The following ZNF783 variants were observed in gnomAD, a reference collection of about 807,000 sequenced individuals.
The protein encoded by ZNF783 is zinc finger protein 783.
ZNF783 carries 25 observed loss-of-function variants against 31.3 expected under a neutral mutation model. That is an observed-to-expected ratio of 0.80 (90% CI 0.58 to 1.11). ZNF783 has a LOEUF of 1.11. ZNF783 is among the 50% of genes most tolerant of loss of function. ZNF783 has a pLI of 0.00. For missense variants in ZNF783, 797 were observed against 760.0 expected (o/e 1.05, Z -0.57); for synonymous variants, 369 against 319.1 (o/e 1.16, Z -1.66).
At chr7:149,272,017 A>T (rs1377102796) in intron 4 of ZNF783, among the ~76,000 whole-genome samples, 7 of 151,836 alleles carry the variant, frequency 4.6e-5, no homozygotes, top group Admixed American at 2.6e-4. Context: ...TCTTTTTTTT[A>T]AATTTATTTT....
rs115295014 is a variant in ZNF783 at position 149,267,163 on chromosome 7, G to C, written c.614G>C (p.Arg205Pro). 1 of 1,599,380 alleles carries C rather than the reference G, an allele frequency of 6.3e-7. No individual in the cohort carries two copies. The highest frequency in any genetic ancestry group is 8.5e-7 in the Non-Finnish European group (1 of 1,179,728). ...IERGEEPCLD[R>P]WGQEKGNEVE... ...AGGGGAGAGGAGCCTTGTCTTGACC[G>C]GTGGGGCCAGGAGAAGGGGAATGAA... Residue 205 changes from arginine to proline, a missense_variant, in exon 4 of 6, where the codon CGG (arginine) becomes CCG (proline). Arg to Pro is a moderately radical substitution (Grantham distance 103, BLOSUM62 -2). Coordinates refer to ENST00000434415, the MANE Select transcript of ZNF783 (RefSeq NM_001195220.2).
intron 4 of ZNF783, among the ~76,000 whole-genome samples, chr7:149,269,553 G>T (rs1383885365): frequency 6.6e-6 from 1 of 152,158 alleles, no homozygotes; most frequent in Non-Finnish European, 1.5e-5. Flanking sequence ...ATAATTTGAG[G>T]TCTTACATTT....
intron 4 of ZNF783, chr7:149,277,260 T>A (rs1394382748): frequency 6.6e-6 from 1 of 152,214 alleles, no homozygotes; most frequent in Non-Finnish European, 1.5e-5. Flanking sequence ...TTTTCCATGA[T>A]TCTGGGTTTC....
chr7:149,280,316 C>G lies in ZNF783; in HGVS notation c.803-1189C>G, dbSNP rs556046226. Among the ~76,000 whole-genome samples, 556 of 152,318 alleles carry G rather than the reference C, an allele frequency of 3.7e-3. 6 individuals are homozygous for G. The highest frequency in any genetic ancestry group is 0.013 in the African/African-American group (530 of 41,582). ...TTAGATGGGGAGTCTCCAACCTTCC[C>G]CACCAGGGACATCCTGCCAGGCATG... On this transcript the variant is annotated intron_variant, in intron 5 of 5. Coordinates refer to ENST00000434415, the MANE Select transcript of ZNF783 (RefSeq NM_001195220.2).
chr7:149,275,005 CTAAT>C (rs1797294640), intron 4 of ZNF783, among the ~76,000 whole-genome samples: 1 of 152,206 alleles, frequency 6.6e-6, no homozygotes, highest in African/African-American at 2.4e-5. Context: ...GACATTATAA[CTAAT>C]TCATTCTTCC....
intron 4 of ZNF783, among the ~76,000 whole-genome samples, chr7:149,273,875 G>T (rs1797265885): frequency 6.6e-6 from 1 of 152,138 alleles, no homozygotes; most frequent in Non-Finnish European, 1.5e-5. Flanking sequence ...TATCTATTCA[G>T]ATCTTTTGCC....
chr7:149,278,811 G>C (rs552896126), intron 5 of ZNF783, among the ~76,000 whole-genome samples: 140 of 152,260 alleles, frequency 9.2e-4, no homozygotes, highest in Non-Finnish European at 1.7e-3. Context: ...AGTGAGGGGA[G>C]GGGGTAGATG....
At chr7:149,271,226 C>T (rs932136312) in intron 4 of ZNF783, among the ~76,000 whole-genome samples, 5 of 152,318 alleles carry the variant, frequency 3.3e-5, no homozygotes, top group South Asian at 2.1e-4. Flanking sequence ...GCGTGAGCCA[C>T]GGCGCCCAGC....
At chr7:149,271,912 C>T (rs1797218759) in intron 4 of ZNF783, among the ~76,000 whole-genome samples, 1 of 152,156 alleles carries the variant, frequency 6.6e-6, no homozygotes, top group South Asian at 2.1e-4. Flanking sequence ...CAGTCTGTAC[C>T]TTGGACATTT....
chr7:149,275,448 G>T (rs1007494276), intron 4 of ZNF783, among the ~76,000 whole-genome samples: 1 of 151,890 alleles, frequency 6.6e-6, no homozygotes, highest in African/African-American at 2.4e-5. Flanking sequence ...GAGTAGCTGG[G>T]ACTACAGGCA....
chr7:149,272,373 T>C (rs925722522), intron 4 of ZNF783, among the ~76,000 whole-genome samples: 1 of 152,210 alleles, frequency 6.6e-6, no homozygotes, highest in African/African-American at 2.4e-5. Context: ...GGTAAATGAA[T>C]ATGTTATTTG....
At chr7:149,278,229 G>A in intron 4 of ZNF783, 170 bp from the exon 5 acceptor site, 1 of 1,421,206 alleles carries the variant, frequency 7.0e-7, no homozygotes, top group Admixed American at 2.7e-5. Context: ...TGAGGCTTTA[G>A]ACTGGAATCT....
rs1051510412 is a variant in ZNF783, at chr7:149,283,341, T to G, written c.*998T>G. The G allele has an allele frequency of 1.3e-5, 2 of 152,232 alleles. No homozygotes were observed. The highest frequency in any genetic ancestry group is 2.9e-5 in the Non-Finnish European group (2 of 68,094). 9.4% of individuals were successfully genotyped at this position (152,232 alleles called of 1,614,324 possible). A position where few individuals can be genotyped will look rare whatever the true frequency, so the allele number is the denominator to read the frequency against. Reference sequence around the variant, plus strand: ...GCACAGTGTCTCCCCATGTGTGTGTTTCTTGGCCCAGAGTGACTCCCAGTA... The same window carrying G: ...GCACAGTGTCTCCCCATGTGTGTGTGTCTTGGCCCAGAGTGACTCCCAGTA... On this transcript the variant is annotated 3_prime_UTR_variant, in exon 6 of 6. Transcript: ENST00000434415.
In ZNF783 at chr7:149,282,169, C is replaced by T. The variant is rs1470566138; in HGVS notation, c.1467C>T (p.Thr489=). Residue 489 remains threonine, a synonymous_variant, in exon 6 of 6, where the codon ACC becomes ACT. Transcript: ENST00000434415. Reference sequence around the variant, plus strand: ...TCTTCCGGCACCAGCGCATCCACACCGGTGAGCGGCCCTACCAGTGCCCCC... The same window carrying T: ...TCTTCCGGCACCAGCGCATCCACACTGGTGAGCGGCCCTACCAGTGCCCCC... ...SDLFRHQRIH[T]GERPYQCPQC... The T allele has an allele frequency of 9.4e-6, 15 of 1,600,926 alleles. No individual in the cohort carries two copies. The highest frequency in any genetic ancestry group is 1.3e-5 in the African/African-American group (1 of 74,920).
chr7:149,266,529 A>G lies in ZNF783; in HGVS notation c.219A>G (p.Thr73=). The change falls in exon 2 of 6, where the codon ACA becomes ACG. Residue 73 remains threonine (T), a synonymous_variant. Transcript: ENST00000434415. The part of the protein sequence containing the change: ...RLLTLEGRTG[T]AEKKLADCEK... ...TGACTCTGGAGGGGCGCACGGGGAC[A>G]GCCGAGAAGAAGCTGGCCGACTGCG... The G allele has an allele frequency of 5.0e-6, 8 of 1,614,032 alleles. No individual in the cohort carries two copies. Among genetic ancestry groups the G allele is most frequent in the Non-Finnish European group, 6.8e-6 (8 of 1,179,918 alleles).
In ZNF783 at chr7:149,266,682, C is replaced by A. The variant is rs1384912421; in HGVS notation, c.372C>A (p.Asn124Lys). The A allele has an allele frequency of 1.2e-6, 2 of 1,613,998 alleles. No homozygotes were observed. The highest frequency in any genetic ancestry group is 2.7e-5 in the African/African-American group (2 of 74,920). ...ENVENLLRNRNFWILRLPPGS... is the reference protein window; with the variant it reads ...ENVENLLRNRKFWILRLPPGS... ...TGGAGAACTTGCTGCGCAACAGGAA[C>A]TTCTGGATCTTGCGGCTGCCCCCGG... The change falls in exon 2 of 6, where the codon AAC becomes AAA. Residue 124 changes from asparagine to lysine, a missense_variant. Transcript: ENST00000434415.
At chr7:149,268,395 A>G (rs536668830) in intron 4 of ZNF783, among the ~76,000 whole-genome samples, 13 of 152,208 alleles carry the variant, frequency 8.5e-5, no homozygotes, top group African/African-American at 2.6e-4. Flanking sequence ...ACTTATGACA[A>G]TCCCCCCAGT....
In ZNF783 at chr7:149,281,933, G is replaced by C; in HGVS notation, c.1231G>C (p.Glu411Gln). The change falls in exon 6 of 6, where the codon GAG (glutamate) becomes CAG (glutamine). Residue 411 changes from glutamate (E) to glutamine (Q), a missense_variant. Glu to Gln is a conservative substitution (Grantham distance 29). Transcript: ENST00000434415. ...CGGCCCTGTCATCCGCTGGCTCCCC[G>C]AGGAGCCTGAGGGTCGCCGCTCCGT... ...VPGPVIRWLP[E>Q]EPEGRRSVAG... 6.5e-7 allele frequency: 1 copy of C among 1,543,002 alleles called. No homozygotes were observed. Among genetic ancestry groups the C allele is most frequent in the African/African-American group, 1.4e-5 (1 of 73,220 alleles).
intron 1 of ZNF783, among the ~76,000 whole-genome samples, chr7:149,264,231 T>G (rs756353615): frequency 2.0e-5 from 3 of 151,280 alleles, no homozygotes; most frequent in Admixed American, 1.3e-4. Flanking sequence ...AGGTGTTCAG[T>G]AATTGTTATT....
Sources: allele counts gnomAD v4.1 joint callset (sites outside exome capture counted in the v4.1 genomes callset), GRCh38; gene constraint gnomAD v4.1.1; transcripts MANE v1.5; gene names NCBI Gene and HGNC (gene_info 2026-07-23, HGNC 2026-07-21).